TPTE2: variants seen among roughly 807,000 people sequenced by gnomAD.
TPTE2 encodes phosphatidylinositol 3,4,5-trisphosphate 3-phosphatase TPTE2.
TPTE2 carries 53 observed loss-of-function variants against 78.6 expected under a neutral mutation model. That is an observed-to-expected ratio of 0.67 (90% CI 0.54 to 0.85). The LOEUF (loss-of-function observed/expected upper bound fraction) is 0.85, where lower values mean the gene tolerates loss of function less well. Ranked by LOEUF, TPTE2 falls within the 40% of genes least tolerant of loss-of-function variation. TPTE2 has a pLI of 0.00. For synonymous variants in TPTE2, 175 were observed against 206.2 expected (o/e 0.85, Z 1.30); for missense variants, 461 against 623.0 (o/e 0.74, Z 2.77).
chr13:19,530,818 C>T (rs755438572), intron 1 of TPTE2, among the ~76,000 whole-genome samples: 5 of 152,144 alleles, frequency 3.3e-5, no homozygotes, highest in Non-Finnish European at 7.3e-5. Flanking sequence ...GGCCACCTTG[C>T]CCGGCCCTAA....
At chr13:19,555,951 T>C in the TPTE2 span, among the ~76,000 whole-genome samples, 30 of 151,924 alleles carry the variant, frequency 2.0e-4, no homozygotes, top group African/African-American at 7.3e-4. Flanking sequence ...TAGCTGGGAT[T>C]ACAGGCGCCC....
At chr13:19,469,811 G>A (rs558507412) in intron 6 of TPTE2, among the ~76,000 whole-genome samples, 2 of 152,092 alleles carry the variant, frequency 1.3e-5, no homozygotes, top group South Asian at 4.2e-4. Flanking sequence ...CTTTTTAAAT[G>A]TCCTTTCCAA....
intron 10 of TPTE2, among the ~76,000 whole-genome samples, chr13:19,457,720 G>T (rs1173236671): frequency 6.6e-6 from 1 of 152,062 alleles, no homozygotes; most frequent in African/African-American, 2.4e-5. Flanking sequence ...TTTTATGGCT[G>T]CACAGTTTTC....
upstream of TPTE2, among the ~76,000 whole-genome samples, chr13:19,504,460 G>C (rs993666885): frequency 2.6e-5 from 4 of 151,968 alleles, no homozygotes; most frequent in African/African-American, 9.7e-5. Flanking sequence ...TAGAGCTCTG[G>C]GTGTGAGGAA....
the TPTE2 span, among the ~76,000 whole-genome samples, chr13:19,555,282 C>T: frequency 6.6e-6 from 1 of 152,098 alleles, no homozygotes; most frequent in Non-Finnish European, 1.5e-5. Context: ...TCTAGGATAA[C>T]CAGTAGGGCC....
At chr13:19,550,479 T>C in the TPTE2 span, among the ~76,000 whole-genome samples, 1 of 152,074 alleles carries the variant, frequency 6.6e-6, no homozygotes, top group South Asian at 2.1e-4. Flanking sequence ...TTTTGAAAAA[T>C]AAAATGTTAC....
chr13:19,467,718 T>G (rs1377135953), intron 6 of TPTE2, among the ~76,000 whole-genome samples: 4 of 152,184 alleles, frequency 2.6e-5, no homozygotes, highest in Non-Finnish European at 5.9e-5. Context: ...TTTAAAAATA[T>G]ACAATCAAGT....
the TPTE2 span, among the ~76,000 whole-genome samples, chr13:19,547,875 AAAG>A: frequency 2.0e-5 from 3 of 151,502 alleles, no homozygotes; most frequent in African/African-American, 4.8e-5. Context: ...TTTCAGAAAA[AAAG>A]AAGAGAAATG....
intron 1 of TPTE2, among the ~76,000 whole-genome samples, chr13:19,528,561 A>G (rs1870666743): frequency 6.6e-6 from 1 of 152,342 alleles, no homozygotes; most frequent in Middle Eastern, 3.4e-3. Flanking sequence ...TCCTTATAAC[A>G]TAACAGGTAT....
intron 1 of TPTE2, among the ~76,000 whole-genome samples, chr13:19,511,721 A>G (rs1331661644): frequency 6.6e-6 from 1 of 152,214 alleles, no homozygotes; most frequent in Non-Finnish European, 1.5e-5. Flanking sequence ...ATCAAAATAA[A>G]TAATGACAGG....
chr13:19,447,179 G>C (rs1877896963), intron 13 of TPTE2, among the ~76,000 whole-genome samples: 2 of 152,020 alleles, frequency 1.3e-5, no homozygotes, highest in Admixed American at 1.3e-4. Flanking sequence ...ATAAAAAAGA[G>C]GCTGCTCTGG....
At chr13:19,484,152 T>C (rs1328886774) in intron 3 of TPTE2, among the ~76,000 whole-genome samples, 2 of 152,214 alleles carry the variant, frequency 1.3e-5, no homozygotes, top group Admixed American at 6.5e-5. Flanking sequence ...TGTTTTGGTA[T>C]ATTGTGTTTC....
chr13:19,483,509 T>C (rs1880478655), intron 3 of TPTE2, among the ~76,000 whole-genome samples: 1 of 152,138 alleles, frequency 6.6e-6, no homozygotes, highest in Non-Finnish European at 1.5e-5. Context: ...TCTTTTTTTG[T>C]TTCTGATTTT....
chr13:19,465,360 A>G (rs550805770), intron 8 of TPTE2, 42 bp from the exon 12 acceptor site: 1 of 1,613,182 alleles, frequency 6.2e-7, no homozygotes, highest in South Asian at 1.1e-5. Flanking sequence ...AACATTCATC[A>G]ACATAAAAAT....
Position 19,451,147 on chromosome 13 carries a change from A to G in TPTE2, c.802+18T>C. On this transcript the variant is annotated intron_variant, in intron 11 of 19. Transcript: ENST00000400230. ...TGTTTTCTACCTACAGTAGCAAAAT[A>G]TAGAGTAATGTACATACTGCATAGA... 2 of 1,611,256 alleles carry G rather than the reference A, an allele frequency of 1.2e-6. No individual in the cohort carries two copies. Among genetic ancestry groups the G allele is most frequent in the South Asian group, 2.2e-5 (2 of 90,468 alleles).
the TPTE2 span, among the ~76,000 whole-genome samples, chr13:19,547,486 T>A: frequency 6.6e-6 from 1 of 152,046 alleles, no homozygotes; most frequent in Non-Finnish European, 1.5e-5. Context: ...CTTATGGCAA[T>A]TTAAAATACA....
chr13:19,432,785 T>C (rs922915076), intron 15 of TPTE2, among the ~76,000 whole-genome samples: 3 of 151,404 alleles, frequency 2.0e-5, no homozygotes, highest in Non-Finnish European at 4.4e-5. Flanking sequence ...TTCAGTGCAA[T>C]GGGGAAGTAA....
chr13:19,560,255 C>T, the TPTE2 span: 4 of 923,684 alleles, frequency 4.3e-6, no homozygotes, highest in South Asian at 5.7e-5. Flanking sequence ...GCCTCGGCAT[C>T]TTCGATGGGC....
chr13:19,438,430 C>T, intron 13 of TPTE2: 1 of 985,294 alleles, frequency 1.0e-6, no homozygotes, highest in Non-Finnish European at 1.2e-6. Flanking sequence ...AAGAAAGCAA[C>T]AATTCATGTC....
Sources: allele counts gnomAD v4.1 joint callset (sites outside exome capture counted in the v4.1 genomes callset), GRCh38; gene constraint gnomAD v4.1.1; transcripts MANE v1.5; gene names NCBI Gene and HGNC (gene_info 2026-07-23, HGNC 2026-07-21).